PWWP2A: variants seen among roughly 807,000 people sequenced by gnomAD.
The protein encoded by PWWP2A is PWWP domain-containing protein 2A.
PWWP2A carries 18 observed loss-of-function variants against 48.5 expected under a neutral mutation model. The ratio of observed to expected loss-of-function variants is 0.37; its 90% CI spans 0.26 to 0.55. The LOEUF is 0.55. PWWP2A is among the 20% of genes least tolerant of loss of function. The pLI, the probability that PWWP2A is intolerant of heterozygous loss-of-function variation, is 0.81. For synonymous variants in PWWP2A, 396 were observed against 387.7 expected, an observed-to-expected ratio of 1.02 and a Z score of -0.25; for missense variants, 867 against 976.4, an observed-to-expected ratio of 0.89 and a Z score of 1.49.
At chr5:160,067,180 T>C (rs74410819) in intron 2 of PWWP2A, among the ~76,000 whole-genome samples, 10,664 of 152,294 alleles carry the variant, frequency 0.07, 454 homozygotes, top group African/African-American at 0.12. Context: ...CTCACATCTC[T>C]TATATTCAGT....
chr5:160,076,815 T>C (rs1309562796), exon 4 of PWWP2A: 1 of 152,226 alleles, frequency 6.6e-6, no homozygotes, highest in Non-Finnish European at 1.5e-5. Flanking sequence ...ATCTGTTACG[T>C]TGCTTCATAT....
chr5:160,092,189 A>T lies in PWWP2A; in HGVS notation c.*193T>A, dbSNP rs139445053. On this transcript the variant is annotated 3_prime_UTR_variant, in exon 2 of 2. Transcript: ENST00000307063. ...ATACTGCTAAAATCTCACTTCCTTA[A>T]CACAAAATTTGATTATATGTTCAGT... The T allele has an allele frequency of 3.0e-6, 4 of 1,337,104 alleles. No homozygotes were observed. In the East Asian group the frequency reaches 1.1e-4, roughly 36 times the overall value. 82.8% of individuals were successfully genotyped at this position (1,337,104 alleles called of 1,614,324 possible).
At chr5:160,101,253 G>A (rs1028750274) in intron 1 of PWWP2A, among the ~76,000 whole-genome samples, 3 of 152,158 alleles carry the variant, frequency 2.0e-5, no homozygotes, top group Non-Finnish European at 4.4e-5. Context: ...GGGAAGCTGA[G>A]GCACAAAAAT....
Position 160,093,930 on chromosome 5 carries a change from G to A in PWWP2A, c.720C>T (p.Pro240=), listed in dbSNP as rs746599129. 2.1e-5 allele frequency: 34 copies of A among 1,614,004 alleles called. No individual in the cohort carries two copies. Among genetic ancestry groups the A allele is most frequent in the Middle Eastern group, 3.3e-4 (2 of 6,062 alleles). Residue 240 remains proline, a synonymous_variant, in exon 2 of 2, where the codon CCC becomes CCT. Transcript: ENST00000307063. The surrounding 1 kb of genome is among the most constrained non-coding windows in gnomAD (Gnocchi z 5.8). ...GATGCGGGACAGGAGAAGGGTCATC[G>A]GGAACAGCACCATTTGCTTCACACT... is the stretch of plus-strand genomic sequence containing the variant. ...EVKCEANGAV[P]DDPSPVPHPE... is the part of the protein sequence containing the mutation.
In PWWP2A at chr5:160,093,143, C is replaced by T; in HGVS notation, c.1507G>A (p.Ala503Thr). The change falls in exon 2 of 2, where the codon GCA (alanine) becomes ACA (threonine). Residue 503 changes from alanine to threonine, a missense_variant. Around this residue, in one of 4 missense-constraint regions of PWWP2A, gnomAD observed 382 missense variants for 407.2 expected, o/e 0.94. Transcript: ENST00000307063. This position sits in a 1 kb window ranked among gnomAD's most constrained non-coding sequence, Gnocchi z 5.8. ...GTGCAGCGAGACTGGGGCTTGGGTG[C>T]CATCTTGCCACTCCGCATTTTCTCA... ...GLEKMRSGKM[A>T]PKPQSRCTST... 2 of 1,613,864 alleles carry T rather than the reference C, an allele frequency of 1.2e-6. No homozygotes were observed. The highest frequency in any genetic ancestry group is 8.5e-7 in the Non-Finnish European group (1 of 1,179,874).
chr5:160,113,881 G>GA (rs1412265103), intron 1 of PWWP2A, among the ~76,000 whole-genome samples: 1 of 152,162 alleles, frequency 6.6e-6, no homozygotes, highest in African/African-American at 2.4e-5. Flanking sequence ...TATGCAAGTA[G>GA]AAAAAGCAAA....
At chr5:160,074,798 A>T (rs1466876030), downstream of PWWP2A, among the ~76,000 whole-genome samples, 2 of 150,970 alleles carry the variant, frequency 1.3e-5, no homozygotes, top group African/African-American at 4.9e-5. Flanking sequence ...ATAATTTCTT[A>T]TTCTGATAAA....
At position 160,091,739 on chromosome 5, in the gene PWWP2A, C is replaced by T. The variant is rs1316800961; in HGVS notation, c.*643G>A. The T allele has an allele frequency of 1.5e-5, 15 of 985,102 alleles. No individual in the cohort carries two copies. Among genetic ancestry groups the T allele is most frequent in the Non-Finnish European group, 1.7e-5 (14 of 829,770 alleles). The allele number at this position is 985,102 out of a possible 1,614,324, so 61.0% of individuals were successfully genotyped here. A position where few individuals can be genotyped will look rare whatever the true frequency, so the allele number is the denominator to read the frequency against. On this transcript the variant is annotated 3_prime_UTR_variant, in exon 2 of 2. Transcript: ENST00000307063. ...TATCCAGTCTTGACAGTTTTAATCC[C>T]AAACACTGGGCTATTTCCCCAGTCT...
chr5:160,067,293 C>G (rs183548322), intron 2 of PWWP2A, among the ~76,000 whole-genome samples: 32 of 152,066 alleles, frequency 2.1e-4, no homozygotes, highest in Middle Eastern at 3.4e-3. Flanking sequence ...AAAATTTTGT[C>G]TTATGAAAAT....
intron 1 of PWWP2A, among the ~76,000 whole-genome samples, chr5:160,114,298 G>A (rs1265840997): frequency 1.4e-4 from 21 of 151,496 alleles, no homozygotes; most frequent in Non-Finnish European, 2.1e-4. Flanking sequence ...TTGGGAGGCC[G>A]AAGCAGGAGG....
At chr5:160,109,767 AAAAAAAAATATATAT>A (rs1472361853) in intron 1 of PWWP2A, among the ~76,000 whole-genome samples, 3 of 72,748 alleles carry the variant, frequency 4.1e-5, no homozygotes, top group East Asian at 5.5e-4. Context: ...GAAAAAAAAA[AAAAAAAAATATATAT>A]ATATATATAT....
the PWWP2A span, chr5:160,051,125 T>C: frequency 6.3e-7 from 1 of 1,595,550 alleles, no homozygotes; most frequent in Non-Finnish European, 8.5e-7. Flanking sequence ...CCTCTTTTCC[T>C]CAGAGATTAC....
chr5:160,051,334 C>A, the PWWP2A span: 1 of 576,288 alleles, frequency 1.7e-6, no homozygotes, highest in Non-Finnish European at 2.9e-6. Flanking sequence ...CCAGAAGGGG[C>A]AGCGTGGCTT....
chr5:160,109,757 G>GAAAAAA (rs755988668), intron 1 of PWWP2A, among the ~76,000 whole-genome samples: 25 of 53,360 alleles, frequency 4.7e-4, no homozygotes, highest in Non-Finnish European at 6.9e-4. Context: ...ATGCAACTGG[G>GAAAAAA]AAAAAAAAAA....
intron 3 of PWWP2A, among the ~76,000 whole-genome samples, chr5:160,079,148 AAC>A (rs1365483846): frequency 1.3e-5 from 2 of 152,142 alleles, no homozygotes; most frequent in Non-Finnish European, 2.9e-5. Flanking sequence ...AATAATAACA[AAC>A]ACATCAAACA....
downstream of PWWP2A, chr5:160,089,988 A>T: frequency 1.0e-6 from 1 of 984,844 alleles, no homozygotes; most frequent in Non-Finnish European, 1.2e-6. Context: ...AGTTTAGAAT[A>T]CACATTTAAG....
downstream of PWWP2A, among the ~76,000 whole-genome samples, chr5:160,089,301 AG>A (rs1315017411): frequency 6.6e-6 from 1 of 152,168 alleles, no homozygotes; most frequent in East Asian, 1.9e-4. Context: ...AAGCCATCTT[AG>A]CCTCCCAAGT....
At position 160,119,259 on chromosome 5, in the gene PWWP2A, C is replaced by A; in HGVS notation, c.130G>T (p.Ala44Ser). Residue 44 changes from alanine (A) to serine (S), a missense_variant, in exon 1 of 2, where the codon GCC becomes TCC. This residue lies in a region of PWWP2A where 385 missense variants were observed against 396.9 expected (regional missense o/e 0.97). Transcript: ENST00000307063. Reference protein sequence around the residue: ...EAGTDPLPVTATEASVPDGET... With the variant: ...EAGTDPLPVTSTEASVPDGET... ...CCATCCGGCACAGACGCTTCAGTGG[C>A]CGTGACCGGGAGGGGGTCAGTGCCG... 1 of 1,406,784 alleles carries A rather than the reference C, an allele frequency of 7.1e-7. No homozygotes were observed. The highest frequency in any genetic ancestry group is 9.2e-7 in the Non-Finnish European group (1 of 1,090,716). 87.1% of individuals were successfully genotyped at this position (1,406,784 alleles called of 1,614,324 possible).
At chr5:160,058,414 T>G (rs867946397), downstream of PWWP2A, among the ~76,000 whole-genome samples, 1,178 of 149,894 alleles carry the variant, frequency 7.9e-3, 16 homozygotes, top group African/African-American at 0.028. Flanking sequence ...TATTTCTTTT[T>G]TTTTTTTTTT....
Sources: allele counts gnomAD v4.1 joint callset (sites outside exome capture counted in the v4.1 genomes callset), GRCh38; gene constraint gnomAD v4.1.1; regional missense constraint gnomAD v4.1.1; non-coding constraint Gnocchi (gnomAD v3.1); transcripts MANE v1.5; gene names NCBI Gene and HGNC (gene_info 2026-07-23, HGNC 2026-07-21).